Variants in MRPS6 observed in about 807,000 individuals in gnomAD.
MRPS6 encodes small ribosomal subunit protein bS6m.
Under a neutral mutation model 13.1 loss-of-function variants are expected in MRPS6, and 6 were observed. That is an observed-to-expected ratio of 0.46 (90% CI 0.25 to 0.91). The LOEUF is 0.91. MRPS6 is among the 40% of genes least tolerant of loss of function. The probability of loss-of-function intolerance (pLI) is 0.18; values close to 1 mark genes in which losing one functional copy is unlikely to be tolerated. For missense variants in MRPS6, 164 were observed against 155.6 expected, an observed-to-expected ratio of 1.05 and a Z score of -0.29; for synonymous variants, 61 against 56.5, an observed-to-expected ratio of 1.08 and a Z score of -0.36.
chr21:34,107,770 C>G (rs933080512), intron 1 of MRPS6, among the ~76,000 whole-genome samples: 6 of 152,152 alleles, frequency 3.9e-5, no homozygotes, highest in Admixed American at 1.3e-4. Flanking sequence ...TAGCTGGTTT[C>G]TTTTATCAAT....
At chr21:34,121,305 A>G (rs1307410074) in intron 1 of MRPS6, among the ~76,000 whole-genome samples, 3 of 152,200 alleles carry the variant, frequency 2.0e-5, no homozygotes, top group Admixed American at 2.0e-4. Context: ...TTGTTTATTC[A>G]TGTGAAGCTT....
intron 1 of MRPS6, among the ~76,000 whole-genome samples, chr21:34,116,154 G>A (rs1008656453): frequency 2.0e-5 from 3 of 150,270 alleles, no homozygotes; most frequent in Admixed American, 2.0e-4. Context: ...GTCTACAGGT[G>A]TGTCCCACCA....
At chr21:34,108,393 C>T (rs1037816545) in intron 1 of MRPS6, among the ~76,000 whole-genome samples, 2 of 152,148 alleles carry the variant, frequency 1.3e-5, no homozygotes, top group Admixed American at 1.3e-4. Flanking sequence ...AGTCTAGGAA[C>T]AGTAGGCTAC....
At chr21:34,094,514 T>C (rs921097846) in intron 1 of MRPS6, among the ~76,000 whole-genome samples, 1 of 152,178 alleles carries the variant, frequency 6.6e-6, no homozygotes, top group African/African-American at 2.4e-5. Flanking sequence ...TTTTCTCCCC[T>C]TTAGGGTGCT....
Position 34,077,610 on chromosome 21 carries a change from AAAG to A in MRPS6, c.45+3870_45+3872del, listed in dbSNP as rs528357500. Among the ~76,000 whole-genome samples, 495 of 152,342 alleles carry A rather than the reference AAAG, an allele frequency of 3.2e-3. 3 individuals carry two copies. The highest frequency in any genetic ancestry group is 0.011 in the African/African-American group (468 of 41,572). ...CTTCATATGTTTTTCTAATAGGAAT[AAAG>A]AAGATAGCTATTTTGGAAATCTTAA... On this transcript the variant is annotated intron_variant, in intron 1 of 2. Coordinates refer to ENST00000399312, the MANE Select transcript of MRPS6 (RefSeq NM_032476.4).
At chr21:34,097,641 G>C (rs1465410004) in intron 1 of MRPS6, 4 of 1,133,108 alleles carry the variant, frequency 3.5e-6, no homozygotes, top group Non-Finnish European at 4.4e-6. Flanking sequence ...AGAGCACTTA[G>C]AGCAGAATAT....
rs143796321 is a variant in MRPS6, at chr21:34,087,641, T to A, written c.45+13896T>A. 2.2e-4 allele frequency among the ~76,000 whole-genome samples: 33 copies of A among 152,300 alleles called. 2 individuals carry two copies. The highest frequency in any genetic ancestry group is 7.5e-4 in the African/African-American group (31 of 41,568). ...AAGACGTAAAAGGAGAGGAGACAGGTCTTGTGGAAACCTGGGGTTACAAAG... is the reference window on the plus strand; with the variant it reads ...AAGACGTAAAAGGAGAGGAGACAGGACTTGTGGAAACCTGGGGTTACAAAG... On this transcript the variant is annotated intron_variant, in intron 1 of 2. Transcript: ENST00000399312.
At chr21:34,075,454 C>T (rs1426044776) in intron 1 of MRPS6, among the ~76,000 whole-genome samples, 2 of 152,044 alleles carry the variant, frequency 1.3e-5, no homozygotes, top group Non-Finnish European at 2.9e-5. Context: ...GTGGAGCACC[C>T]ATTTTTCACT....
chr21:34,102,989 A>G lies in MRPS6; in HGVS notation c.46-22352A>G, dbSNP rs192294978. ...CTGGATAAAAGAGTGTTTACTTTTT[A>G]TTGCTCTTAGACAGAGTAGTCTAGA... On this transcript the variant is annotated intron_variant, in intron 1 of 2. Transcript: ENST00000399312. 75 of 999,940 alleles carry G rather than the reference A, an allele frequency of 7.5e-5. No homozygotes were observed. In the East Asian group the frequency reaches 3.6e-3, roughly 48 times the overall value. The allele number at this position is 999,940 out of a possible 1,614,324, so 61.9% of individuals were successfully genotyped here. A position where few individuals can be genotyped will look rare whatever the true frequency, so the allele number is the denominator to read the frequency against.
At chr21:34,136,954 G>T (rs144887819) in intron 2 of MRPS6, among the ~76,000 whole-genome samples, 4 of 152,090 alleles carry the variant, frequency 2.6e-5, no homozygotes, top group Non-Finnish European at 4.4e-5. Context: ...GTTTTTTTGC[G>T]TGTGGATACT....
intron 1 of MRPS6, among the ~76,000 whole-genome samples, chr21:34,076,516 A>G (rs901086172): frequency 6.6e-6 from 1 of 152,196 alleles, no homozygotes; most frequent in Non-Finnish European, 1.5e-5. Context: ...TGCAAGTAGA[A>G]GTTGATTATG....
At chr21:34,102,574 A>G in intron 1 of MRPS6, 1 of 1,000,074 alleles carries the variant, frequency 1.0e-6, no homozygotes, top group Non-Finnish European at 1.2e-6. Context: ...GCAGTACCAT[A>G]CATAGTCTGA....
chr21:34,103,186 A>G (rs2148662161), intron 1 of MRPS6: 1 of 1,000,044 alleles, frequency 1.0e-6, no homozygotes, highest in South Asian at 4.7e-5. Flanking sequence ...CCAGCTTTTG[A>G]AATTTATGTG....
intron 1 of MRPS6, among the ~76,000 whole-genome samples, chr21:34,082,847 T>C (rs1602908347): frequency 6.6e-6 from 1 of 152,342 alleles, no homozygotes; most frequent in South Asian, 2.1e-4. Context: ...AATTGACTTG[T>C]TTTGCTTCCC....
chr21:34,084,359 T>TAGAAAA (rs1989524683), intron 1 of MRPS6, among the ~76,000 whole-genome samples: 1 of 152,088 alleles, frequency 6.6e-6, no homozygotes, highest in Non-Finnish European at 1.5e-5. Context: ...AGTTTTTTTC[T>TAGAAAA]AGAAACATAA....
At chr21:34,095,794 T>C in intron 1 of MRPS6, 1 of 1,614,050 alleles carries the variant, frequency 6.2e-7, no homozygotes, top group Non-Finnish European at 8.5e-7. Context: ...GCACTTACAC[T>C]TATGATTATT....
At chr21:34,091,731 T>C (rs1035669809) in intron 1 of MRPS6, among the ~76,000 whole-genome samples, 2 of 152,340 alleles carry the variant, frequency 1.3e-5, no homozygotes, top group Middle Eastern at 3.4e-3. Flanking sequence ...GCCTTCTCTT[T>C]TGGGAAGAAG....
chr21:34,111,701 C>T (rs1979706214), intron 1 of MRPS6, among the ~76,000 whole-genome samples: 3 of 152,204 alleles, frequency 2.0e-5, no homozygotes, highest in Non-Finnish European at 4.4e-5. Context: ...ATGAGAGCCA[C>T]CATTCCCTAG....
chr21:34,102,685 G>A, intron 1 of MRPS6: 1 of 1,000,178 alleles, frequency 1.0e-6, no homozygotes, highest in Non-Finnish European at 1.2e-6. Context: ...CTAGAATAAA[G>A]TAAGCAGCTG....
Sources: allele counts gnomAD v4.1 joint callset (sites outside exome capture counted in the v4.1 genomes callset), GRCh38; gene constraint gnomAD v4.1.1; transcripts MANE v1.5; gene names NCBI Gene and HGNC (gene_info 2026-07-23, HGNC 2026-07-21).